KIFC3: variants seen among roughly 807,000 people sequenced by gnomAD.
KIFC3 encodes the protein kinesin family member C3, also known as kinesin-like protein KIFC3.
In KIFC3, 60 loss-of-function variants were observed where a neutral mutation model predicts 101.8. That is an observed-to-expected ratio of 0.59 (90% CI 0.48 to 0.73). KIFC3 has a LOEUF of 0.73. KIFC3 is among the 30% of genes least tolerant of loss of function. The pLI, the probability that KIFC3 is intolerant of heterozygous loss-of-function variation, is 0.00. For synonymous variants in KIFC3, 476 were observed against 482.7 expected (o/e 0.99, Z 0.18); for missense variants, 966 against 1,137.1 (o/e 0.85, Z 2.16).
intron 14 of KIFC3, 107 bp from the exon 15 acceptor site, chr16:57,761,278 T>A (rs1224504642): frequency 6.3e-7 from 1 of 1,576,740 alleles, no homozygotes; most frequent in Non-Finnish European, 8.7e-7. Flanking sequence ...GCAGTTTAGA[T>A]GAGGAAACTG....
At chr16:57,765,371 C>T (rs1333667389) in intron 11 of KIFC3, 88 bp downstream of exon 11, 42 of 1,353,286 alleles carry the variant, frequency 3.1e-5, no homozygotes, top group Middle Eastern at 4.9e-4. Flanking sequence ...ACTCTTAACG[C>T]TTCTTCCTGC....
At chr16:57,846,656 A>G (rs1441412975) in intron 1 of KIFC3, 2 of 152,222 alleles carry the variant, frequency 1.3e-5, no homozygotes, top group Admixed American at 1.3e-4. Flanking sequence ...AGAAAAGCAG[A>G]TTAGAAGTGT....
intron 1 of KIFC3, among the ~76,000 whole-genome samples, chr16:57,808,631 A>G (rs2054999070): frequency 6.6e-6 from 1 of 151,950 alleles, no homozygotes; most frequent in South Asian, 2.1e-4. Context: ...AAATCCCACC[A>G]CCCTTCACTT....
intron 1 of KIFC3, among the ~76,000 whole-genome samples, chr16:57,827,638 G>T (rs1294830358): frequency 6.6e-6 from 1 of 152,144 alleles, no homozygotes; most frequent in Non-Finnish European, 1.5e-5. Flanking sequence ...CTGAGGTCTA[G>T]AAGTCACCCC....
chr16:57,842,422 T>C (rs2055833547), intron 1 of KIFC3, among the ~76,000 whole-genome samples: 1 of 152,132 alleles, frequency 6.6e-6, no homozygotes, highest in Non-Finnish European at 1.5e-5. Flanking sequence ...GGTAACAAAC[T>C]TGTAAATAAT....
chr16:57,790,380 C>CT (rs200519923), intron 3 of KIFC3, among the ~76,000 whole-genome samples: 107,689 of 129,144 alleles, frequency 0.83, 46,155 homozygotes, highest in Non-Finnish European at 0.94. Flanking sequence ...CCATGCCCAG[C>CT]TTTTTTTTTT....
chr16:57,770,557 T>C lies in KIFC3; in HGVS notation c.909A>G (p.Ser303=). 2.0e-6 allele frequency: 3 copies of C among 1,493,650 alleles called. No homozygotes were observed. The highest frequency in any genetic ancestry group is 2.7e-6 in the Non-Finnish European group (3 of 1,121,616). The allele number at this position is 1,493,650 out of a possible 1,614,324, so 92.5% of individuals were successfully genotyped here. Reference sequence around the variant, plus strand: ...CCCGGAGCCGCGCGGTCAGCTGGTGTGAGCTCTGCAGCTGCTGTTCCATCT... The same window carrying C: ...CCCGGAGCCGCGCGGTCAGCTGGTGCGAGCTCTGCAGCTGCTGTTCCATCT... ...LKEMEQQLQS[S]HQLTARLRAQ... is the part of the protein sequence containing the mutation. The change falls in exon 7 of 20, where the codon TCA becomes TCG. Residue 303 remains serine, a synonymous_variant. Transcript: ENST00000445690.
At chr16:57,761,651 T>C in intron 13 of KIFC3, 115 bp from the exon 14 acceptor site, 1 of 1,179,906 alleles carries the variant, frequency 8.5e-7, no homozygotes, top group Non-Finnish European at 1.2e-6. Flanking sequence ...TCTCCAGCCA[T>C]CAGCTGAGTG....
chr16:57,783,296 C>T (rs1309740779), intron 3 of KIFC3, among the ~76,000 whole-genome samples: 3 of 152,056 alleles, frequency 2.0e-5, no homozygotes, highest in South Asian at 4.2e-4. Context: ...GGGCAAGGAG[C>T]ATGGGGAGTG....
intron 1 of KIFC3, among the ~76,000 whole-genome samples, chr16:57,818,497 G>A (rs906207229): frequency 2.0e-5 from 3 of 152,088 alleles, no homozygotes; most frequent in Non-Finnish European, 4.4e-5. Flanking sequence ...CTCCAATAGC[G>A]GGGATTATAG....
chr16:57,764,275 T>TGGGGGGGGGGGGGGGTGGGTGGGGGGGG, intron 11 of KIFC3, 28 bp from the exon 12 acceptor site: 1 of 539,938 alleles, frequency 1.9e-6, no homozygotes. Flanking sequence ...GGGAGGCTGG[T>TGGGGGGGGGGGGGGGTGGGTGGGGGGGG]GGGGGGGCTT....
chr16:57,829,315 A>G lies in KIFC3; in HGVS notation c.109-31033T>C, dbSNP rs1193434549. Among the ~76,000 whole-genome samples, 3 of 151,968 alleles carry G rather than the reference A, an allele frequency of 2.0e-5. No individual in the cohort carries two copies. The East Asian group carries it at 5.8e-4, about 29-fold the overall frequency. On this transcript the variant is annotated intron_variant, in intron 1 of 2. Transcript: ENST00000563028. ...GTTGCCCAGGCTGGAGTGCAGTGGC[A>G]CAATCAGAGCTCACTGCAGCCTCGA...
intron 1 of KIFC3, among the ~76,000 whole-genome samples, chr16:57,828,111 C>T (rs59350294): frequency 0.04 from 6,122 of 152,294 alleles, 392 homozygotes; most frequent in African/African-American, 0.14. Flanking sequence ...CTTGGAGGCT[C>T]TTCCCTGAGC....
intron 1 of KIFC3, among the ~76,000 whole-genome samples, chr16:57,817,101 G>A (rs548248152): frequency 3.9e-5 from 6 of 152,184 alleles, no homozygotes; most frequent in Non-Finnish European, 7.3e-5. Context: ...GCTCACGCCT[G>A]TAATCCCAGC....
chr16:57,787,301 G>A (rs12149857), intron 3 of KIFC3, among the ~76,000 whole-genome samples: 11,127 of 152,286 alleles, frequency 0.073, 461 homozygotes, highest in South Asian at 0.12. Context: ...AGCCTTGCCC[G>A]AAAGGAGCCC....
At chr16:57,799,675 G>A (rs1274718695) in intron 1 of KIFC3, among the ~76,000 whole-genome samples, 2 of 152,220 alleles carry the variant, frequency 1.3e-5, no homozygotes, top group African/African-American at 2.4e-5. Flanking sequence ...AACGCCACAG[G>A]TGAGGAGGCA....
At chr16:57,772,340 T>C (rs1555609374) in intron 3 of KIFC3, 52 bp from the exon 4 acceptor site, 1 of 1,509,950 alleles carries the variant, frequency 6.6e-7, no homozygotes, top group East Asian at 2.3e-5. Context: ...AGCTCCAGCC[T>C]ACACCCAGGC....
chr16:57,771,435 CT>C lies in KIFC3; in HGVS notation c.527del (p.Glu176GlyfsTer26). 1.9e-6 allele frequency: 3 copies of C among 1,613,576 alleles called. No homozygotes were observed. Among genetic ancestry groups the C allele is most frequent in the Non-Finnish European group, 2.5e-6 (3 of 1,180,016 alleles). On this transcript the variant is annotated frameshift_variant and splice_region_variant, in exon 6 of 20. Transcript: ENST00000445690. LOFTEE classifies it high-confidence loss of function. ...GPCPGCEHSQ[E>X]SAQLRDKLSQ... ...ACAGCTTGTCACGGAGCTGGGCGCT[CT>C]CCTGCAGCCATTGGGAGGCACTGGA... is the stretch of plus-strand genomic sequence containing the variant.
At chr16:57,812,531 G>A (rs1243344497) in intron 1 of KIFC3, among the ~76,000 whole-genome samples, 4 of 152,182 alleles carry the variant, frequency 2.6e-5, no homozygotes, top group Non-Finnish European at 5.9e-5. Context: ...TGCTGACCGA[G>A]TGTGATGGGG....
Sources: gnomAD v4.1 joint callset for allele counts (sites outside exome capture counted in the v4.1 genomes callset) on GRCh38, gnomAD v4.1.1 for gene constraint, MANE v1.5 for transcripts, NCBI Gene and HGNC (gene_info 2026-07-23, HGNC 2026-07-21) for gene names.